The following SH3TC1 variants were observed in gnomAD, a reference collection of about 807,000 sequenced individuals.
SH3TC1 encodes SH3 domain and tetratricopeptide repeat-containing protein 1.
Under a neutral mutation model 117.3 loss-of-function variants are expected in SH3TC1, and 135 were observed. The observed-to-expected ratio is 1.15, with a 90% CI of 1.00 to 1.33. The LOEUF is 1.33. Ranked by LOEUF, SH3TC1 falls within the 40% of genes most tolerant of loss-of-function variation. The pLI, the probability that SH3TC1 is intolerant of heterozygous loss-of-function variation, is 0.00. For missense variants in SH3TC1, 2,092 were observed against 1,794.3 expected, an observed-to-expected ratio of 1.17 and a Z score of -3.00; for synonymous variants, 898 against 816.9, an observed-to-expected ratio of 1.10 and a Z score of -1.69.
At chr4:8,200,036 C>G (rs1372692307) in intron 1 of SH3TC1, among the ~76,000 whole-genome samples, 1 of 152,248 alleles carries the variant, frequency 6.6e-6, no homozygotes, top group Non-Finnish European at 1.5e-5. Context: ...GAGACCCCCT[C>G]TGGGCCTGTG....
chr4:8,229,068 C>G (rs1387760565), intron 12 of SH3TC1: 1 of 175,028 alleles, frequency 5.7e-6, no homozygotes, highest in African/African-American at 2.4e-5. Flanking sequence ...CAGCCCTGTG[C>G]ACCTGTCATC....
upstream of SH3TC1, among the ~76,000 whole-genome samples, chr4:8,194,791 G>A (rs143590405): frequency 5.3e-5 from 8 of 152,168 alleles, no homozygotes; most frequent in African/African-American, 1.4e-4. Flanking sequence ...CTTGGTGCTC[G>A]AAGGAGTGGG....
At chr4:8,220,708 G>T (rs181396297) in intron 9 of SH3TC1, among the ~76,000 whole-genome samples, 1 of 152,164 alleles carries the variant, frequency 6.6e-6, no homozygotes, top group Non-Finnish European at 1.5e-5. Context: ...TGTCTTCAGT[G>T]GTCCTGTTCA....
At chr4:8,226,849 C>A in intron 11 of SH3TC1, 131 bp from the exon 12 acceptor site, 1 of 571,954 alleles carries the variant, frequency 1.7e-6, no homozygotes, top group East Asian at 3.3e-5. Context: ...CATGGCAAGC[C>A]GGTAGGGTGG....
At position 8,183,652 on chromosome 4, in the gene SH3TC1, C is replaced by T. The variant is rs549323286; in HGVS notation, c.-57+1442C>T. 6.6e-6 allele frequency among the ~76,000 whole-genome samples: 1 copy of T among 152,312 alleles called. No individual in the cohort carries two copies. The highest frequency in any genetic ancestry group is 2.1e-4 in the South Asian group (1 of 4,822). ...AATCCTCTTAGATTTACAAAACAGT[C>T]AGGAAGACAGTTCAGAGAGTTCTCG... On this transcript the variant is annotated intron_variant, in intron 1 of 16. Transcript: ENST00000508641. The surrounding 1 kb of genome is among the most constrained non-coding windows in gnomAD (Gnocchi z 5.4).
chr4:8,234,166 ATCATCCATCCATCCATCATCCATCCAT>A (rs1439418047), intron 14 of SH3TC1, among the ~76,000 whole-genome samples: 108 of 68,352 alleles, frequency 1.6e-3, no homozygotes, highest in African/African-American at 3.9e-3. Flanking sequence ...CCATCCTTCC[ATCATCCATCCATCCATCATCCATCCAT>A]TCATCCATCC....
chr4:8,237,374 G>A (rs1721911203), intron 16 of SH3TC1, 100 bp from the exon 17 acceptor site: 1 of 1,052,990 alleles, frequency 9.5e-7, no homozygotes, highest in Non-Finnish European at 1.3e-6. Flanking sequence ...AACTGCCCAG[G>A]TGACCGCAGT....
rs930562077 is a variant in SH3TC1 at position 8,212,938 on chromosome 4, C to T, written c.375+110C>T. On this transcript the variant is annotated intron_variant, in intron 4 of 17. Coordinates refer to ENST00000245105, the MANE Select transcript of SH3TC1 (RefSeq NM_018986.5). Reference sequence around the variant, plus strand: ...GACACAGGAGGCAGGCCTCAGAGAGCGAGAGCCACTCAGGACAGTGGTGGC... The same window carrying T: ...GACACAGGAGGCAGGCCTCAGAGAGTGAGAGCCACTCAGGACAGTGGTGGC... 54 of 1,396,484 alleles carry T rather than the reference C, an allele frequency of 3.9e-5. No individual in the cohort carries two copies. In the Middle Eastern group the frequency reaches 1.1e-3, roughly 27 times the overall value. The allele number at this position is 1,396,484 out of a possible 1,614,324, so 86.5% of individuals were successfully genotyped here. A position where few individuals can be genotyped will look rare whatever the true frequency, so the allele number is the denominator to read the frequency against.
intron 4 of SH3TC1, among the ~76,000 whole-genome samples, chr4:8,213,543 G>A (rs1408893103): frequency 6.6e-6 from 1 of 152,170 alleles, no homozygotes; most frequent in Non-Finnish European, 1.5e-5. Context: ...AACTGGGTCA[G>A]CATGCTGGCT....
intron 3 of SH3TC1, 101 bp from the exon 4 acceptor site, chr4:8,212,600 G>T: frequency 6.5e-7 from 1 of 1,527,758 alleles, no homozygotes; most frequent in African/African-American, 1.4e-5. Flanking sequence ...AGGCCTTCGG[G>T]GTCAGGTGTG....
chr4:8,196,784 G>A (rs373742310), upstream of SH3TC1, among the ~76,000 whole-genome samples: 23 of 152,242 alleles, frequency 1.5e-4, no homozygotes, highest in African/African-American at 5.1e-4. The surrounding 1 kb of genome is among the most constrained non-coding windows in gnomAD (Gnocchi z 4.6). Flanking sequence ...CTGAGGGCTG[G>A]AGTCCAGGAG....
At position 8,216,199 on chromosome 4, in the gene SH3TC1, AGTCCAT is replaced by A; in HGVS notation, c.573_578del (p.His192_Val193del). 1 of 1,613,876 alleles carries A rather than the reference AGTCCAT, an allele frequency of 6.2e-7. No homozygotes were observed. Among genetic ancestry groups the A allele is most frequent in the East Asian group, 2.2e-5 (1 of 44,882 alleles). On this transcript the variant is annotated inframe_deletion, in exon 6 of 18. Coordinates refer to ENST00000245105, the MANE Select transcript of SH3TC1 (RefSeq NM_018986.5). ...GTGAGGAGGAGGAGACGGCCATCCA[AGTCCAT>A]GTGGATGAGAACGCCTTAAGGCTGA...
chr4:8,188,941 A>G (rs1338794041), intron 1 of SH3TC1, among the ~76,000 whole-genome samples: 1 of 152,246 alleles, frequency 6.6e-6, no homozygotes, highest in Non-Finnish European at 1.5e-5. Flanking sequence ...GGCACTGCTC[A>G]CAGGCACACG....
At chr4:8,239,320 CAG>C (rs1432996931) in intron 17 of SH3TC1, among the ~76,000 whole-genome samples, 8 of 151,814 alleles carry the variant, frequency 5.3e-5, no homozygotes, top group East Asian at 1.9e-4. Context: ...GGCACAGGCA[CAG>C]AGACACATGC....
rs916153663 is a variant in SH3TC1 at position 8,210,382 on chromosome 4, C to T, written c.247+560C>T. On this transcript the variant is annotated intron_variant, in intron 3 of 17. Coordinates refer to ENST00000245105, the MANE Select transcript of SH3TC1 (RefSeq NM_018986.5). This position sits in a 1 kb window ranked among gnomAD's most constrained non-coding sequence, Gnocchi z 4.1. ...TGGCTTTGCCCCTTGGCGGTGATGC[C>T]CGACTGTCCTTTGACTTTCCTTTTG... Among the ~76,000 whole-genome samples the T allele has an allele frequency of 2.0e-5, 3 of 152,252 alleles. No homozygotes were observed. Among genetic ancestry groups the T allele is most frequent in the African/African-American group, 7.2e-5 (3 of 41,474 alleles).
At chr4:8,187,401 A>G (rs1310123013) in intron 1 of SH3TC1, among the ~76,000 whole-genome samples, 2 of 151,938 alleles carry the variant, frequency 1.3e-5, no homozygotes, top group African/African-American at 4.8e-5. Flanking sequence ...CCCACAATAA[A>G]GGAGTGGGGG....
intron 9 of SH3TC1, among the ~76,000 whole-genome samples, chr4:8,220,277 G>A (rs1719784085): frequency 6.6e-6 from 1 of 152,164 alleles, no homozygotes; most frequent in Non-Finnish European, 1.5e-5. Context: ...AGAGTACCTT[G>A]TGCCTTCCAA....
intron 6 of SH3TC1, among the ~76,000 whole-genome samples, chr4:8,216,698 C>T (rs565322436): frequency 6.6e-6 from 1 of 152,242 alleles, no homozygotes; most frequent in South Asian, 2.1e-4. Flanking sequence ...GGCTCCGCAT[C>T]GCACAGTCAG....
In SH3TC1 at chr4:8,186,564, G is replaced by A. The variant is rs1717228539; in HGVS notation, c.-57+4354G>A. 1.3e-5 allele frequency among the ~76,000 whole-genome samples: 2 copies of A among 152,194 alleles called. No individual in the cohort carries two copies. Among genetic ancestry groups the A allele is most frequent in the Admixed American group, 6.5e-5 (1 of 15,280 alleles). On this transcript the variant is annotated intron_variant, in intron 1 of 16. Transcript: ENST00000508641. This position sits in a 1 kb window ranked among gnomAD's most constrained non-coding sequence, Gnocchi z 5.2. ...TGGTCATCACGGGGGAGGCTGATGGGAGTTTATGCCAATGCCCTGCACTGG... is the reference window on the plus strand; with the variant it reads ...TGGTCATCACGGGGGAGGCTGATGGAAGTTTATGCCAATGCCCTGCACTGG...
Sources: gnomAD v4.1 joint callset for allele counts (sites outside exome capture counted in the v4.1 genomes callset) on GRCh38, gnomAD v4.1.1 for gene constraint, Gnocchi (gnomAD v3.1) non-coding constraint, MANE v1.5 for transcripts, NCBI Gene and HGNC (gene_info 2026-07-23, HGNC 2026-07-21) for gene names.